CCDC136: variants seen among roughly 807,000 people sequenced by gnomAD.
CCDC136 encodes coiled-coil domain containing 136.
A neutral mutation model predicts 141.2 loss-of-function variants in CCDC136; 100 were observed. The ratio of observed to expected loss-of-function variants is 0.71; its 90% CI spans 0.60 to 0.84. The LOEUF (loss-of-function observed/expected upper bound fraction) is 0.84, where lower values mean the gene tolerates loss of function less well. CCDC136 is among the 40% of genes least tolerant of loss of function. The pLI is 0.00. For missense variants in CCDC136, 1,206 were observed against 1,379.4 expected (o/e 0.87, Z 1.99); for synonymous variants, 474 against 531.9 (o/e 0.89, Z 1.50).
upstream of CCDC136, chr7:128,791,307 C>A (rs1476143847): frequency 1.4e-5 from 5 of 353,524 alleles, no homozygotes; most frequent in Admixed American, 4.8e-5. The surrounding 1 kb of genome is among the most constrained non-coding windows in gnomAD (Gnocchi z 7.1). Context: ...CCTGCACGGG[C>A]TCGGAGCTCC....
upstream of CCDC136, chr7:128,791,467 A>G: frequency 7.6e-7 from 1 of 1,316,946 alleles, no homozygotes; most frequent in Non-Finnish European, 9.6e-7. This position sits in a 1 kb window ranked among gnomAD's most constrained non-coding sequence, Gnocchi z 7.1. Context: ...CTGCTCAGGG[A>G]GGCGGAAGGC....
upstream of CCDC136, chr7:128,791,304 G>C: frequency 2.9e-6 from 1 of 347,452 alleles, no homozygotes; most frequent in Non-Finnish European, 5.1e-6. The surrounding 1 kb of genome is among the most constrained non-coding windows in gnomAD (Gnocchi z 7.1). Flanking sequence ...CCCCCTGCAC[G>C]GGCTCGGAGC....
chr7:128,801,175 G>C lies in CCDC136; in HGVS notation c.347-11G>C, dbSNP rs748532279. The C allele has an allele frequency of 2.5e-6, 4 of 1,603,018 alleles. No individual in the cohort carries two copies. The highest frequency in any genetic ancestry group is 3.4e-6 in the Non-Finnish European group (4 of 1,171,218). ...TGCCCTCTTGATCATCTCAACCTTT[G>C]GACTTTGCAGGTGAGCTGCGTTCTC... is the stretch of plus-strand genomic sequence containing the variant. On this transcript the variant is annotated splice_polypyrimidine_tract_variant and intron_variant, in intron 3 of 17. Coordinates refer to ENST00000297788, the MANE Select transcript of CCDC136 (RefSeq NM_022742.5).
chr7:128,805,993 G>T lies in CCDC136; in HGVS notation c.1089+92G>T. ...CGGGGTGGGCACAGTGAGTATGGCT[G>T]TGCTCTGCTGACTCTTGCCCTGCAA... is the stretch of plus-strand genomic sequence containing the variant. On this transcript the variant is annotated intron_variant, in intron 7 of 17. Coordinates refer to ENST00000297788, the MANE Select transcript of CCDC136 (RefSeq NM_022742.5). The surrounding 1 kb of genome is among the most constrained non-coding windows in gnomAD (Gnocchi z 4.6). 3 of 1,449,918 alleles carry T rather than the reference G, an allele frequency of 2.1e-6. No homozygotes were observed. Among genetic ancestry groups the T allele is most frequent in the Non-Finnish European group, 2.9e-6 (3 of 1,048,042 alleles). 89.8% of individuals were successfully genotyped at this position (1,449,918 alleles called of 1,614,324 possible).
In CCDC136 at chr7:128,805,711, A is replaced by G. The variant is rs1335987175; in HGVS notation, c.949-50A>G. 11 of 1,604,416 alleles carry G rather than the reference A, an allele frequency of 6.9e-6. No homozygotes were observed. The highest frequency in any genetic ancestry group is 9.4e-6 in the Non-Finnish European group (11 of 1,174,544). ...CTTTCCCCAAGCTTGTTCTTGGAGC[A>G]TATGTGGTATCTGTAGTAAACAAGC... is the stretch of plus-strand genomic sequence containing the variant. On this transcript the variant is annotated intron_variant, in intron 6 of 17. Coordinates refer to ENST00000297788, the MANE Select transcript of CCDC136 (RefSeq NM_022742.5). This position sits in a 1 kb window ranked among gnomAD's most constrained non-coding sequence, Gnocchi z 4.6.
In CCDC136 at chr7:128,812,880, G is replaced by A; in HGVS notation, c.2714G>A (p.Cys905Tyr). ...LDACEREFKE[C>Y]MECLEKPMAP... ...GCCTGTGAAAGGGAGTTCAAGGAGTGCATGGAATGCCTTGAAAAGCCCATG... is the reference window on the plus strand; with the variant it reads ...GCCTGTGAAAGGGAGTTCAAGGAGTACATGGAATGCCTTGAAAAGCCCATG... The change falls in exon 14 of 18, where the codon TGC becomes TAC. Residue 905 changes from cysteine (C) to tyrosine (Y), a missense_variant. Cys to Tyr is a radical substitution (Grantham distance 194). Transcript: ENST00000297788. 3.1e-6 allele frequency: 5 copies of A among 1,612,640 alleles called. No individual in the cohort carries two copies. The highest frequency in any genetic ancestry group is 3.4e-6 in the Non-Finnish European group (4 of 1,179,382).
Position 128,820,452 on chromosome 7 carries a change from T to C in CCDC136, c.*6-1347T>C, listed in dbSNP as rs538216798. Among the ~76,000 whole-genome samples the C allele has an allele frequency of 2.6e-5, 4 of 152,330 alleles. No individual in the cohort carries two copies. In the South Asian group the frequency reaches 8.3e-4, roughly 32 times the overall value. On this transcript the variant is annotated intron_variant, in intron 17 of 17. Coordinates refer to ENST00000297788, the MANE Select transcript of CCDC136 (RefSeq NM_022742.5). The stretch of plus-strand genomic sequence containing the variant: ...CCCCATCCCATGTAGAAGCTTGCCT[T>C]TGCCCAGTGTGAGGTGCACGGGTCA...
chr7:128,820,283 A>G (rs1340329363), intron 17 of CCDC136, among the ~76,000 whole-genome samples: 1 of 152,222 alleles, frequency 6.6e-6, no homozygotes, highest in Admixed American at 6.5e-5. Context: ...TTATTTCTGC[A>G]TATTATCTGC....
At position 128,812,912 on chromosome 7, in the gene CCDC136, C is replaced by T. The variant is rs1806001522; in HGVS notation, c.2746C>T (p.Gln916Ter). ...ATGCCTTGAAAAGCCCATGGCCCCC[C>T]AGAACGACAAGAATGAGGTAACCAC... ...MECLEKPMAPQNDKNEIKELQ... is the reference protein window; with the variant it reads ...MECLEKPMAP Residue 916 changes from glutamine (Q) to a stop codon, truncating the protein, a stop_gained, in exon 14 of 18, where the codon CAG becomes TAG. Coordinates refer to ENST00000297788, the MANE Select transcript of CCDC136 (RefSeq NM_022742.5). LOFTEE classifies it high-confidence loss of function. 2 of 1,608,046 alleles carry T rather than the reference C, an allele frequency of 1.2e-6. No homozygotes were observed. Among genetic ancestry groups the T allele is most frequent in the African/African-American group, 1.3e-5 (1 of 74,832 alleles).
chr7:128,805,159 C>T lies in CCDC136; in HGVS notation c.783-200C>T, dbSNP rs995229303. Among the ~76,000 whole-genome samples, 3 of 152,200 alleles carry T rather than the reference C, an allele frequency of 2.0e-5. No individual in the cohort carries two copies. Among genetic ancestry groups the T allele is most frequent in the African/African-American group, 7.2e-5 (3 of 41,438 alleles). On this transcript the variant is annotated intron_variant, in intron 5 of 17. Transcript: ENST00000297788. This position sits in a 1 kb window ranked among gnomAD's most constrained non-coding sequence, Gnocchi z 4.6. Reference sequence around the variant, plus strand: ...CTGGACTGGCACTCTAAGGGTCTCCCAGAGCCAAACACACCTTTGCAGATT... The same window carrying T: ...CTGGACTGGCACTCTAAGGGTCTCCTAGAGCCAAACACACCTTTGCAGATT...
In CCDC136 at chr7:128,809,645, G is replaced by T; in HGVS notation, c.1800+1G>T. The T allele has an allele frequency of 6.6e-7, 1 of 1,511,966 alleles. No individual in the cohort carries two copies. The highest frequency in any genetic ancestry group is 1.3e-5 in the South Asian group (1 of 77,202). 93.7% of individuals were successfully genotyped at this position (1,511,966 alleles called of 1,614,324 possible). A position where few individuals can be genotyped will look rare whatever the true frequency, so the allele number is the denominator to read the frequency against. ...GCCAAAGAGTGGCCTCTTACTCAAG[G>T]TAACTCTGCCACAGGCAGCTGCTAA... On this transcript the variant is annotated splice_donor_variant, in intron 11 of 17. Coordinates refer to ENST00000297788, the MANE Select transcript of CCDC136 (RefSeq NM_022742.5). LOFTEE classifies it high-confidence loss of function.
At position 128,814,862 on chromosome 7, in the gene CCDC136, GA is replaced by G; in HGVS notation, c.2993del (p.Lys998ArgfsTer2). The G allele has an allele frequency of 1.9e-6, 3 of 1,607,310 alleles. No homozygotes were observed. The highest frequency in any genetic ancestry group is 2.5e-6 in the Non-Finnish European group (3 of 1,176,910). On this transcript the variant is annotated frameshift_variant, in exon 15 of 18. Coordinates refer to ENST00000297788, the MANE Select transcript of CCDC136 (RefSeq NM_022742.5). LOFTEE classifies it high-confidence loss of function. The part of the protein sequence containing the change: ...MNKNANGVKM[K>X]KVTKPCSDTS... ...ACAAGAATGCCAATGGGGTTAAAAT[GA>G]AAAAGGTGACCAAGCCATGCTCGGA...
rs889071167 is a variant in CCDC136 at position 128,821,212 on chromosome 7, G to C, written c.*6-587G>C. ...CACCAGGAAGTCAGTCAACATACCT[G>C]GTGATTAGGAGTGTTCTAATGACCT... On this transcript the variant is annotated intron_variant, in intron 17 of 17. Transcript: ENST00000297788. The surrounding 1 kb of genome is among the most constrained non-coding windows in gnomAD (Gnocchi z 5.1). Among the ~76,000 whole-genome samples, 1 of 152,106 alleles carries C rather than the reference G, an allele frequency of 6.6e-6. No homozygotes were observed. Among genetic ancestry groups the C allele is most frequent in the Non-Finnish European group, 1.5e-5 (1 of 68,006 alleles).
intron 16 of CCDC136, 85 bp downstream of exon 16, chr7:128,816,016 A>G (rs1024084287): frequency 7.3e-7 from 1 of 1,372,228 alleles, no homozygotes; most frequent in Non-Finnish European, 9.9e-7. Context: ...CCTGCCAAGG[A>G]TGGATATCTC....
At chr7:128,802,345 C>G (rs191910691) in intron 4 of CCDC136, among the ~76,000 whole-genome samples, 86 of 152,152 alleles carry the variant, frequency 5.7e-4, no homozygotes, top group African/African-American at 2.0e-3. Flanking sequence ...AGGCAATCAA[C>G]AAGGAATCAA....
rs764371198 is a variant in CCDC136, at chr7:128,794,420, A to G, written c.89A>G (p.Glu30Gly). 8.4e-6 allele frequency: 13 copies of G among 1,553,638 alleles called. No individual in the cohort carries two copies. The Admixed American group carries it at 2.5e-4, about 30-fold the overall frequency. ...EEEEEEEVEE[E>G]EEQVQKGGSV... ...GAGGAGGAAGAAGAGGTGGAAGAAG[A>G]AGAAGAACAAGTGCAGAAAGGTGGC... The change falls in exon 2 of 18, where the codon GAA becomes GGA. Residue 30 changes from glutamate (E) to glycine (G), a missense_variant. By Grantham distance (98) the Glu-to-Gly change is moderately conservative. Transcript: ENST00000297788. This position sits in a 1 kb window ranked among gnomAD's most constrained non-coding sequence, Gnocchi z 4.3.
chr7:128,791,572 A>G, upstream of CCDC136: 1 of 1,241,704 alleles, frequency 8.1e-7, no homozygotes, highest in Non-Finnish European at 1.0e-6. This position sits in a 1 kb window ranked among gnomAD's most constrained non-coding sequence, Gnocchi z 7.1. Context: ...CCCCTCCGTC[A>G]CCTGTCTACC....
rs1310119255 is a variant in CCDC136 at position 128,814,739 on chromosome 7, G to T, written c.2865G>T (p.Gly955=). 11 of 1,613,568 alleles carry T rather than the reference G, an allele frequency of 6.8e-6. No individual in the cohort carries two copies. The highest frequency in any genetic ancestry group is 4.5e-5 in the East Asian group (2 of 44,898). Residue 955 remains glycine, a synonymous_variant, in exon 15 of 18, where the codon GGG becomes GGT. Transcript: ENST00000297788. ...RLLVVQEQLE[G]QLQCCQEELR... ...TGGTAGTGCAGGAGCAGCTGGAGGGGCAGCTGCAGTGCTGCCAGGAGGAGC... is the reference window on the plus strand; with the variant it reads ...TGGTAGTGCAGGAGCAGCTGGAGGGTCAGCTGCAGTGCTGCCAGGAGGAGC...
Position 128,794,151 on chromosome 7 carries a change from G to A in CCDC136, c.17-197G>A, listed in dbSNP as rs1006157473. The stretch of plus-strand genomic sequence containing the variant: ...TTGGTCCAGGAAGGGCCTGGGAGGT[G>A]GAGGGGCTGCTTCTCAACTTGACTC... On this transcript the variant is annotated intron_variant, in intron 1 of 17. Transcript: ENST00000297788. This position sits in a 1 kb window ranked among gnomAD's most constrained non-coding sequence, Gnocchi z 4.3. The A allele has an allele frequency of 8.5e-6, 6 of 707,522 alleles. No homozygotes were observed. Among genetic ancestry groups the A allele is most frequent in the Non-Finnish European group, 1.5e-5 (6 of 399,738 alleles). The allele number at this position is 707,522 out of a possible 1,614,324, so 43.8% of individuals were successfully genotyped here.
Sources: allele counts gnomAD v4.1 joint callset (sites outside exome capture counted in the v4.1 genomes callset), GRCh38; gene constraint gnomAD v4.1.1; non-coding constraint Gnocchi (gnomAD v3.1); transcripts MANE v1.5; gene names NCBI Gene and HGNC (gene_info 2026-07-23, HGNC 2026-07-21).